Variants in KCNH8 observed in about 807,000 individuals in gnomAD.
KCNH8 encodes potassium voltage-gated channel subfamily H member 8.
KCNH8 carries 70 observed loss-of-function variants against 103.6 expected under a neutral mutation model. The ratio of observed to expected loss-of-function variants is 0.68; its 90% CI spans 0.56 to 0.82. The LOEUF (loss-of-function observed/expected upper bound fraction) is 0.82. Among genes scored for constraint, KCNH8 ranks in the 40% least tolerant of loss-of-function variants. The probability of loss-of-function intolerance (pLI) is 0.00; values close to 1 mark genes in which losing one functional copy is unlikely to be tolerated. For synonymous variants in KCNH8, 498 were observed against 489.4 expected, an observed-to-expected ratio of 1.02 and a Z score of -0.23; for missense variants, 1,217 against 1,329.9, an observed-to-expected ratio of 0.92 and a Z score of 1.32.
intron 2 of KCNH8, among the ~76,000 whole-genome samples, chr3:19,272,788 G>T (rs1184170283): frequency 6.6e-6 from 1 of 151,990 alleles, no homozygotes; most frequent in Non-Finnish European, 1.5e-5. Context: ...CCTTTACCCT[G>T]CTCTCCTTTT....
At chr3:19,370,635 T>C (rs1574977493) in intron 5 of KCNH8, among the ~76,000 whole-genome samples, 1 of 152,246 alleles carries the variant, frequency 6.6e-6, no homozygotes, top group East Asian at 1.9e-4. Flanking sequence ...ATACTTTAAG[T>C]TTTAGGGTAC....
intron 3 of KCNH8, among the ~76,000 whole-genome samples, chr3:19,316,082 T>A (rs2125300397): frequency 6.6e-6 from 1 of 152,166 alleles, no homozygotes; most frequent in African/African-American, 2.4e-5. Context: ...TTTCATTATT[T>A]TGGAAAAAAA....
At chr3:19,188,493 T>C (rs185926863) in intron 1 of KCNH8, among the ~76,000 whole-genome samples, 1 of 152,190 alleles carries the variant, frequency 6.6e-6, no homozygotes, top group African/African-American at 2.4e-5. Flanking sequence ...GGGGTGATTA[T>C]GTCCAGAGGG....
chr3:19,299,204 T>G (rs9823217), intron 3 of KCNH8, among the ~76,000 whole-genome samples: 14,205 of 152,176 alleles, frequency 0.093, 779 homozygotes, highest in South Asian at 0.15. Flanking sequence ...AAAAATTTCA[T>G]TAAGAGTTTC....
chr3:19,427,458 T>A (rs2067045480), intron 7 of KCNH8, among the ~76,000 whole-genome samples: 1 of 152,196 alleles, frequency 6.6e-6, no homozygotes, highest in Non-Finnish European at 1.5e-5. Context: ...AAGTTCTTAG[T>A]TTATTCAATA....
intron 5 of KCNH8, among the ~76,000 whole-genome samples, chr3:19,359,923 G>A (rs1023099635): frequency 6.6e-6 from 1 of 151,986 alleles, no homozygotes; most frequent in African/African-American, 2.4e-5. Flanking sequence ...GAAAAGGGAA[G>A]ATTTTACTGG....
At chr3:19,211,811 T>A (rs4447783) in intron 1 of KCNH8, among the ~76,000 whole-genome samples, 2,320 of 152,284 alleles carry the variant, frequency 0.015, 59 homozygotes, top group African/African-American at 0.051. Context: ...AAAATTGTGG[T>A]ATGAAATGTT....
At chr3:19,273,490 T>C (rs116112458) in intron 2 of KCNH8, among the ~76,000 whole-genome samples, 1,919 of 152,258 alleles carry the variant, frequency 0.013, 21 homozygotes, top group Middle Eastern at 0.024. Context: ...CAGACATTAA[T>C]TGGGGCTTAG....
intron 1 of KCNH8, among the ~76,000 whole-genome samples, chr3:19,155,942 C>A (rs2063177054): frequency 6.6e-6 from 1 of 152,176 alleles, no homozygotes; most frequent in South Asian, 2.1e-4. Flanking sequence ...ATGGTCTTTG[C>A]TCAGTAAATA....
chr3:19,149,181 G>C (rs751621164), intron 1 of KCNH8, among the ~76,000 whole-genome samples: 5 of 152,114 alleles, frequency 3.3e-5, no homozygotes, highest in African/African-American at 1.2e-4. Flanking sequence ...AGATCAAAAG[G>C]AGAGCTTGGA....
chr3:19,203,272 T>C (rs2063681891), intron 1 of KCNH8, among the ~76,000 whole-genome samples: 1 of 152,132 alleles, frequency 6.6e-6, no homozygotes, highest in South Asian at 2.1e-4. Context: ...GTTACTCATA[T>C]ATTTGAAGCA....
chr3:19,486,363 G>A (rs1215210304), intron 11 of KCNH8, among the ~76,000 whole-genome samples: 1 of 152,226 alleles, frequency 6.6e-6, no homozygotes, highest in Non-Finnish European at 1.5e-5. Context: ...GTTAGCCAAT[G>A]ATGTCCTTTG....
intron 2 of KCNH8, among the ~76,000 whole-genome samples, chr3:19,269,086 C>T (rs1009148293): frequency 4.6e-5 from 7 of 152,074 alleles, no homozygotes; most frequent in East Asian, 1.9e-4. Context: ...TTTTGGTTTA[C>T]GTGTGTTTGT....
intron 15 of KCNH8, among the ~76,000 whole-genome samples, chr3:19,532,927 C>A (rs993724036): frequency 6.6e-6 from 1 of 152,196 alleles, no homozygotes; most frequent in East Asian, 1.9e-4. Flanking sequence ...TAAGAAATTT[C>A]TTTTTCATGG....
At chr3:19,384,236 A>G (rs565253514) in intron 5 of KCNH8, among the ~76,000 whole-genome samples, 2 of 152,326 alleles carry the variant, frequency 1.3e-5, no homozygotes, top group Admixed American at 1.3e-4. Context: ...GTATTTTTGT[A>G]TCTACAGCTG....
chr3:19,403,805 A>C (rs1322141025), intron 7 of KCNH8, among the ~76,000 whole-genome samples: 1 of 151,854 alleles, frequency 6.6e-6, no homozygotes, highest in Non-Finnish European at 1.5e-5. Flanking sequence ...TTTGTGACTG[A>C]GGTTAATTGT....
chr3:19,183,734 G>A (rs1477379572), intron 1 of KCNH8, among the ~76,000 whole-genome samples: 2 of 152,032 alleles, frequency 1.3e-5, no homozygotes, highest in African/African-American at 4.8e-5. Context: ...GACAAAATAA[G>A]GCATACAGAA....
At chr3:19,453,128 T>C (rs993475710) in intron 10 of KCNH8, among the ~76,000 whole-genome samples, 3 of 152,154 alleles carry the variant, frequency 2.0e-5, no homozygotes, top group African/African-American at 7.2e-5. Context: ...ATGTTCTCAC[T>C]TATAATTGGG....
At chr3:19,359,171 T>C (rs1451971367) in intron 5 of KCNH8, among the ~76,000 whole-genome samples, 4 of 151,604 alleles carry the variant, frequency 2.6e-5, no homozygotes, top group African/African-American at 9.7e-5. Flanking sequence ...ACTAGAGGAA[T>C]TGGAAAAAAG....
Sources: allele counts gnomAD v4.1 joint callset (sites outside exome capture counted in the v4.1 genomes callset), GRCh38; gene constraint gnomAD v4.1.1; transcripts MANE v1.5; gene names NCBI Gene and HGNC (gene_info 2026-07-23, HGNC 2026-07-21).